The following PALS1 variants were observed in gnomAD, a reference collection of about 807,000 sequenced individuals.
PALS1 encodes protein PALS1.
Under a neutral mutation model 78.9 loss-of-function variants are expected in PALS1, and 31 were observed. The observed-to-expected ratio is 0.39, with a 90% CI of 0.30 to 0.53. PALS1 has a LOEUF of 0.53. PALS1 is among the 20% of genes least tolerant of loss of function. The pLI, the probability that PALS1 is intolerant of heterozygous loss-of-function variation, is 0.67. For missense variants in PALS1, 704 were observed against 826.5 expected (o/e 0.85, Z 1.82); for synonymous variants, 276 against 270.9 (o/e 1.02, Z -0.18).
intron 1 of PALS1, among the ~76,000 whole-genome samples, chr14:67,247,037 T>G (rs1234576969): frequency 6.6e-6 from 1 of 152,232 alleles, no homozygotes; most frequent in Non-Finnish European, 1.5e-5. Context: ...TATTTTTAGT[T>G]CCTTTGCTTT....
rs148672103 is a variant in PALS1, at chr14:67,323,224, TATATACAC to T, written c.1741-477_1741-470del. Among the ~76,000 whole-genome samples, 62 of 104,930 alleles carry T rather than the reference TATATACAC, an allele frequency of 5.9e-4. No individual in the cohort carries two copies. In the South Asian group the frequency reaches 0.01, roughly 17 times the overall value. The allele number at this position is 104,930 out of a possible 152,430, so 68.8% of individuals were successfully genotyped here. On this transcript the variant is annotated intron_variant, in intron 13 of 14. Coordinates refer to ENST00000261681, the MANE Select transcript of PALS1 (RefSeq NM_022474.4). ...GTGTATATATATACATATATACACA[TATATACAC>T]GTGTGTGTGTGTGTGTGTGTGTGTG...
chr14:67,296,373 G>A (rs982739875), intron 4 of PALS1, among the ~76,000 whole-genome samples: 1 of 151,814 alleles, frequency 6.6e-6, no homozygotes, highest in Non-Finnish European at 1.5e-5. Flanking sequence ...GGCCAAGGTG[G>A]GCAGATCACG....
At chr14:67,293,821 T>G (rs7141756) in intron 4 of PALS1, among the ~76,000 whole-genome samples, 78,270 of 151,968 alleles carry the variant, frequency 0.52, 23,424 homozygotes, top group African/African-American at 0.83. Flanking sequence ...TCCTGTCCCT[T>G]TTAGGAGGAA....
chr14:67,245,734 C>T (rs1054853625), intron 1 of PALS1, among the ~76,000 whole-genome samples: 3 of 152,138 alleles, frequency 2.0e-5, no homozygotes, highest in Non-Finnish European at 2.9e-5. Flanking sequence ...ATCCTCATAA[C>T]TTCTATACTT....
At chr14:67,329,654 G>T (rs1051781770) in intron 14 of PALS1, among the ~76,000 whole-genome samples, 2 of 151,856 alleles carry the variant, frequency 1.3e-5, no homozygotes, top group Non-Finnish European at 2.9e-5. Flanking sequence ...TACGGCGGAC[G>T]CATCACTTGA....
intron 4 of PALS1, among the ~76,000 whole-genome samples, chr14:67,293,815 G>T (rs1017862028): frequency 5.3e-5 from 8 of 152,110 alleles, no homozygotes; most frequent in African/African-American, 1.9e-4. Flanking sequence ...AATCATTCCT[G>T]TCCCTTTTAG....
chr14:67,256,305 CT>C (rs1359234571), intron 1 of PALS1, among the ~76,000 whole-genome samples: 2 of 152,010 alleles, frequency 1.3e-5, no homozygotes, highest in Non-Finnish European at 2.9e-5. Flanking sequence ...TGAAGCTTGC[CT>C]TTTTCACTTG....
chr14:67,290,657 C>T (rs1227425808), intron 3 of PALS1, among the ~76,000 whole-genome samples: 1 of 152,128 alleles, frequency 6.6e-6, no homozygotes, highest in Non-Finnish European at 1.5e-5. Flanking sequence ...CTCAGCATCC[C>T]AAAGTGCTGG....
intron 1 of PALS1, among the ~76,000 whole-genome samples, chr14:67,259,642 G>A (rs543994749): frequency 3.3e-5 from 5 of 152,158 alleles, no homozygotes; most frequent in Admixed American, 1.3e-4. Flanking sequence ...CATGCATGCT[G>A]GCTTATGCCT....
At chr14:67,317,299 C>A in intron 10 of PALS1, 109 bp from the exon 11 acceptor site, 1 of 1,013,186 alleles carries the variant, frequency 9.9e-7, no homozygotes, top group Non-Finnish European at 1.4e-6. Context: ...CTCGTTTCTG[C>A]AAAAAAATTT....
chr14:67,265,484 G>C (rs573436969), intron 1 of PALS1, among the ~76,000 whole-genome samples: 4 of 152,260 alleles, frequency 2.6e-5, no homozygotes, highest in South Asian at 4.1e-4. Context: ...TGAGCCAGGA[G>C]TTTGAGGCTA....
intron 1 of PALS1, among the ~76,000 whole-genome samples, chr14:67,264,347 T>A (rs2084285874): frequency 6.6e-6 from 1 of 152,230 alleles, no homozygotes; most frequent in Non-Finnish European, 1.5e-5. Context: ...GTATTAGCTA[T>A]GATCACTAAG....
chr14:67,258,971 T>G (rs1161604182), intron 1 of PALS1, among the ~76,000 whole-genome samples: 1 of 151,828 alleles, frequency 6.6e-6, no homozygotes, highest in African/African-American at 2.4e-5. Context: ...CCCTCCCGAG[T>G]AGCTGGGACT....
intron 2 of PALS1, chr14:67,271,052 A>T (rs971489577): frequency 6.6e-6 from 1 of 152,132 alleles, no homozygotes; most frequent in African/African-American, 2.4e-5. Context: ...TCATTTTTTG[A>T]GTTTGAAGTT....
intron 14 of PALS1, among the ~76,000 whole-genome samples, chr14:67,329,255 C>T (rs1408050599): frequency 6.6e-6 from 1 of 152,140 alleles, no homozygotes; most frequent in Non-Finnish European, 1.5e-5. Flanking sequence ...AATGGGAGTT[C>T]ACTCATGATT....
chr14:67,326,047 G>C (rs757341930), intron 14 of PALS1, among the ~76,000 whole-genome samples: 1 of 136,570 alleles, frequency 7.3e-6, no homozygotes, highest in Admixed American at 8.0e-5. Flanking sequence ...GGATGGTCTC[G>C]ATCTCGTGAC....
chr14:67,327,645 C>G (rs935171989), intron 14 of PALS1, among the ~76,000 whole-genome samples: 13 of 152,068 alleles, frequency 8.5e-5, no homozygotes, highest in Admixed American at 5.2e-4. Flanking sequence ...CCCTCTCCCC[C>G]CACCCCACAA....
chr14:67,328,019 A>C (rs952493983), intron 14 of PALS1, among the ~76,000 whole-genome samples: 1 of 152,164 alleles, frequency 6.6e-6, no homozygotes, highest in East Asian at 1.9e-4. Flanking sequence ...GGCTGGGTCA[A>C]ATGGTATTTC....
intron 1 of PALS1, among the ~76,000 whole-genome samples, chr14:67,247,315 G>A (rs2140419152): frequency 6.6e-6 from 1 of 152,192 alleles, no homozygotes; most frequent in South Asian, 2.1e-4. Flanking sequence ...TCAGATTCCA[G>A]TTGATCACTG....
Sources: allele counts gnomAD v4.1 joint callset (sites outside exome capture counted in the v4.1 genomes callset), GRCh38; gene constraint gnomAD v4.1.1; transcripts MANE v1.5; gene names NCBI Gene and HGNC (gene_info 2026-07-23, HGNC 2026-07-21).